Variants in EP400 observed in about 807,000 individuals in gnomAD.
The protein encoded by EP400 is E1A-binding protein p400.
In EP400, 105 loss-of-function variants were observed where a neutral mutation model predicts 354.1. The observed-to-expected ratio is 0.30, with a 90% confidence interval of 0.25 to 0.35. The LOEUF (loss-of-function observed/expected upper bound fraction) is 0.35, where lower values mean the gene tolerates loss of function less well. Among genes scored for constraint, EP400 ranks in the 10% least tolerant of loss-of-function variants. The pLI is 1.00. For missense variants in EP400, 3,280 were observed against 4,121.0 expected (o/e 0.80, Z 5.59); for synonymous variants, 1,646 against 1,716.9 (o/e 0.96, Z 1.02).
rs755043157 is a variant in EP400, at chr12:132,069,651, G to T, written c.9021+10G>T. The T allele has an allele frequency of 5.0e-6, 8 of 1,613,738 alleles. No homozygotes were observed. Among genetic ancestry groups the T allele is most frequent in the Middle Eastern group, 1.6e-4 (1 of 6,078 alleles). On this transcript the variant is annotated intron_variant, in intron 51 of 52. Transcript: ENST00000389561. ...GCAGACCCAGATCCAGGTGAGCGGG[G>T]AACAGGGTGAGGGCCCGAGTGTCAG...
chr12:132,055,909 C>T lies in EP400; in HGVS notation c.7884+701C>T, dbSNP rs558314022. On this transcript the variant is annotated intron_variant, in intron 45 of 52. Transcript: ENST00000389561. Reference sequence around the variant, plus strand: ...GTGGGGAAGCTAAGAGATGACAGCCCTCTTGGGGGCGTGGTTTTGGGGGAG... The same window carrying T: ...GTGGGGAAGCTAAGAGATGACAGCCTTCTTGGGGGCGTGGTTTTGGGGGAG... 7.2e-5 allele frequency among the ~76,000 whole-genome samples: 11 copies of T among 151,902 alleles called. No individual in the cohort carries two copies. In the East Asian group the frequency reaches 1.7e-3, roughly 24 times the overall value.
chr12:132,034,754 C>T (rs1894637408), intron 30 of EP400, among the ~76,000 whole-genome samples: 1 of 152,208 alleles, frequency 6.6e-6, no homozygotes, highest in Non-Finnish European at 1.5e-5. Context: ...GCTTGGAGTG[C>T]TGCTCCCACG....
intron 2 of EP400, among the ~76,000 whole-genome samples, chr12:131,966,022 G>T (rs894158377): frequency 3.3e-5 from 5 of 151,384 alleles, no homozygotes; most frequent in African/African-American, 9.7e-5. Context: ...GGTTTGGGTG[G>T]CTGGCTGGCT....
rs1593393069 is a variant in EP400 at position 132,075,040 on chromosome 12, C to T, written c.9022-1476C>T. ...CTTTCACTCAGCTCTCAGGTGTTACCCACCTGGCCTCTGAATCTGTGTCTC... is the reference window on the plus strand; with the variant it reads ...CTTTCACTCAGCTCTCAGGTGTTACTCACCTGGCCTCTGAATCTGTGTCTC... On this transcript the variant is annotated intron_variant, in intron 51 of 52. Coordinates refer to ENST00000389561, the MANE Select transcript of EP400 (RefSeq NM_015409.5). The surrounding 1 kb of genome is among the most constrained non-coding windows in gnomAD (Gnocchi z 4.5). 6.6e-6 allele frequency among the ~76,000 whole-genome samples: 1 copy of T among 152,090 alleles called. No homozygotes were observed. The highest frequency in any genetic ancestry group is 2.4e-5 in the African/African-American group (1 of 41,406).
rs1896223360 is a variant in EP400 at position 132,075,961 on chromosome 12, G to T, written c.9022-555G>T. ...AAGACAGCGGGAGATGCATGCAGTA[G>T]CAAGTGCACAGAAAGTGGGCACTGG... On this transcript the variant is annotated intron_variant, in intron 51 of 52. Transcript: ENST00000389561. The surrounding 1 kb of genome is among the most constrained non-coding windows in gnomAD (Gnocchi z 4.5). The T allele has an allele frequency of 1.0e-5, 2 of 197,510 alleles. No homozygotes were observed. The highest frequency in any genetic ancestry group is 2.1e-5 in the Non-Finnish European group (2 of 94,528). The allele number at this position is 197,510 out of a possible 1,614,324, so 12.2% of individuals were successfully genotyped here.
At chr12:131,979,639 A>T in intron 2 of EP400, 55 bp from the exon 3 acceptor site, 1 of 1,487,680 alleles carries the variant, frequency 6.7e-7, no homozygotes, top group Non-Finnish European at 9.1e-7. Context: ...ATTTGAGTTT[A>T]TTCTTGTAAT....
chr12:132,045,623 G>A (rs896334695), intron 38 of EP400, 63 bp downstream of exon 38: 6 of 1,605,186 alleles, frequency 3.7e-6, no homozygotes, highest in Non-Finnish European at 5.1e-6. Flanking sequence ...GCACGTCCGT[G>A]CATCCAGCTC....
chr12:132,072,161 G>A (rs1052972839), intron 51 of EP400, among the ~76,000 whole-genome samples: 1 of 152,156 alleles, frequency 6.6e-6, no homozygotes, highest in Non-Finnish European at 1.5e-5. Flanking sequence ...GCTCCTGCTT[G>A]TGTTGCCCAG....
At chr12:132,055,726 G>GGA in intron 45 of EP400, among the ~76,000 whole-genome samples, 1 of 148,162 alleles carries the variant, frequency 6.7e-6, no homozygotes, top group Admixed American at 6.7e-5. Context: ...GTGAAGTGTA[G>GGA]GGGTGTGTGT....
chr12:131,981,157 C>T (rs1892667480), intron 3 of EP400, among the ~76,000 whole-genome samples: 1 of 152,212 alleles, frequency 6.6e-6, no homozygotes, highest in Non-Finnish European at 1.5e-5. Context: ...TGCCCGCTCT[C>T]CATGCTCTCG....
At position 132,069,463 on chromosome 12, in the gene EP400, T is replaced by C. The variant is rs560631789; in HGVS notation, c.8875-32T>C. On this transcript the variant is annotated intron_variant, in intron 50 of 52. Coordinates refer to ENST00000389561, the MANE Select transcript of EP400 (RefSeq NM_015409.5). The stretch of plus-strand genomic sequence containing the variant: ...CGGGAGTCTTGAGCGCGGCATGGTC[T>C]CTGCGGCCCTAATTTCGCAGTCTCT... 22 of 1,607,086 alleles carry C rather than the reference T, an allele frequency of 1.4e-5. 1 individual carries two copies. In the South Asian group the frequency reaches 2.3e-4, roughly 17 times the overall value.
At chr12:131,958,900 C>T (rs373784096) in intron 1 of EP400, among the ~76,000 whole-genome samples, 1 of 152,294 alleles carries the variant, frequency 6.6e-6, no homozygotes, top group East Asian at 1.9e-4. Context: ...GATGTCCTTG[C>T]GATGAACAAG....
rs1892681733 is a variant in EP400 at position 131,981,559 on chromosome 12, A to C, written c.1506A>C (p.Ala502=). The C allele has an allele frequency of 6.2e-7, 1 of 1,602,092 alleles. No individual in the cohort carries two copies. The highest frequency in any genetic ancestry group is 8.5e-7 in the Non-Finnish European group (1 of 1,174,734). The change falls in exon 4 of 53, where the codon GCA becomes GCC. Residue 502 remains alanine (A), a synonymous_variant. Coordinates refer to ENST00000389561, the MANE Select transcript of EP400 (RefSeq NM_015409.5). The stretch of plus-strand genomic sequence containing the variant: ...TTTTCCAGCACCCAGGGGCGGACGC[A>C]GGCGTTCCTCTCCAGCAACTAATGC... ...GVVFQHPGAD[A]GVPLQQLMPT...
At chr12:131,974,987 C>CAAA (rs764013155) in intron 2 of EP400, among the ~76,000 whole-genome samples, 2,558 of 43,080 alleles carry the variant, frequency 0.059, 103 homozygotes, top group Non-Finnish European at 0.073. Flanking sequence ...GACTCCATCT[C>CAAA]AAAAAAAAAA....
At chr12:132,064,025 C>CT (rs1895801277) in intron 47 of EP400, among the ~76,000 whole-genome samples, 1 of 59,472 alleles carries the variant, frequency 1.7e-5, no homozygotes, top group Non-Finnish European at 2.6e-5. Context: ...CCACTGATGA[C>CT]CCCCCCCCGG....
chr12:131,997,138 A>C (rs1490300717), intron 12 of EP400, among the ~76,000 whole-genome samples: 1 of 152,002 alleles, frequency 6.6e-6, no homozygotes, highest in African/African-American at 2.4e-5. Context: ...ACCCGCCCCC[A>C]CCACCTGCAC....
rs779505369 is a variant in EP400, at chr12:132,069,556, C to T, written c.8936C>T (p.Pro2979Leu). ...CAGAAGGTTGCCTACGCCGCGCAGC[C>T]GGCCCTTAAGACCCAGTTTCTTACC... ...AQQKVAYAAQ[P>L]ALKTQFLTTP... Residue 2979 changes from proline to leucine, a missense_variant, in exon 51 of 53, where the codon CCG (proline) becomes CTG (leucine). This residue lies in a region of EP400 where 279 missense variants were observed against 386.7 expected (regional missense o/e 0.72). Coordinates refer to ENST00000389561, the MANE Select transcript of EP400 (RefSeq NM_015409.5). 2.5e-6 allele frequency: 4 copies of T among 1,614,120 alleles called. No individual in the cohort carries two copies. The highest frequency in any genetic ancestry group is 3.4e-6 in the Non-Finnish European group (4 of 1,180,046).
intron 37 of EP400, 134 bp downstream of exon 37, chr12:132,045,087 C>A: frequency 2.2e-6 from 3 of 1,388,228 alleles, no homozygotes; most frequent in African/African-American, 1.4e-5. Flanking sequence ...CACGCCCATC[C>A]GCTGCCTCTC....
intron 12 of EP400, among the ~76,000 whole-genome samples, chr12:131,999,627 T>G (rs985377122): frequency 2.0e-5 from 3 of 151,938 alleles, no homozygotes; most frequent in African/African-American, 4.8e-5. Context: ...TTAGTAGAGA[T>G]AGGGTTTTAC....
Sources: allele counts gnomAD v4.1 joint callset (sites outside exome capture counted in the v4.1 genomes callset), GRCh38; gene constraint gnomAD v4.1.1; regional missense constraint gnomAD v4.1.1; non-coding constraint Gnocchi (gnomAD v3.1); transcripts MANE v1.5; gene names NCBI Gene and HGNC (gene_info 2026-07-23, HGNC 2026-07-21).